The following TEX11 variants were observed in gnomAD, a reference collection of about 807,000 sequenced individuals.
TEX11 encodes testis expressed 11.
Under a neutral mutation model 84.4 loss-of-function variants are expected in TEX11, and 7 were observed. That is an observed-to-expected ratio of 0.08 (90% CI 0.05 to 0.16). The LOEUF (loss-of-function observed/expected upper bound fraction) is 0.16. Among genes scored for constraint, TEX11 ranks in the 10% least tolerant of loss-of-function variants. The pLI, the probability that TEX11 is intolerant of heterozygous loss-of-function variation, is 1.00. For missense variants in TEX11, 551 were observed against 660.5 expected, an observed-to-expected ratio of 0.83 and a Z score of 1.82; for synonymous variants, 264 against 222.8, an observed-to-expected ratio of 1.18 and a Z score of -1.64.
intron 8 of TEX11, among the ~76,000 whole-genome samples, chrX:70,832,870 C>A (rs1189388761): frequency 1.8e-5 from 2 of 110,935 alleles, no homozygotes; most frequent in African/African-American, 6.7e-5. Flanking sequence ...ACCTTGTCAG[C>A]AGACAAACTC....
the TEX11 span, among the ~76,000 whole-genome samples, chrX:70,512,614 AT>A: frequency 6.5e-5 from 7 of 108,238 alleles, 1 homozygote; most frequent in Non-Finnish European, 1.3e-4. Flanking sequence ...TATTGTAATC[AT>A]TCTAATACAA....
intron 9 of TEX11, among the ~76,000 whole-genome samples, chrX:70,795,398 A>G (rs1220735130): frequency 9.0e-6 from 1 of 111,395 alleles, no homozygotes; most frequent in East Asian, 2.8e-4. Flanking sequence ...ACCAGGAGCC[A>G]GGGGGAACTT....
chrX:70,872,993 T>G (rs1191678225), intron 4 of TEX11, among the ~76,000 whole-genome samples: 1 of 111,206 alleles, frequency 9.0e-6, no homozygotes, highest in Admixed American at 9.7e-5. Flanking sequence ...GACTATTTCT[T>G]GCAGTGATAT....
At chrX:70,820,076 C>T (rs749189964) in intron 8 of TEX11, among the ~76,000 whole-genome samples, 1 of 111,973 alleles carries the variant, frequency 8.9e-6, no homozygotes, top group South Asian at 3.7e-4. Flanking sequence ...TCCTAAAATT[C>T]ATATAAAATC....
chrX:70,523,691 C>G, the TEX11 span, among the ~76,000 whole-genome samples: 1 of 109,030 alleles, frequency 9.2e-6, no homozygotes, highest in East Asian at 2.9e-4. Context: ...GTCTTGATCT[C>G]CTGACCTCGT....
chrX:70,852,754 C>T (rs1471491311), intron 7 of TEX11, among the ~76,000 whole-genome samples: 1 of 111,492 alleles, frequency 9.0e-6, no homozygotes, highest in African/African-American at 3.3e-5. Flanking sequence ...ACAGGTGTTT[C>T]AAGTAGGGAT....
rs763274895 is a variant in TEX11, at chrX:70,870,362, G to T, written c.244+2861C>A. On this transcript the variant is annotated intron_variant, in intron 4 of 29. Transcript: ENST00000374333. ...TTTTTTTTTGTTTTTATGAGAGGGAGTCTTGCTCTGTTGCCCAGGCTGGAG... is the reference window on the plus strand; with the variant it reads ...TTTTTTTTTGTTTTTATGAGAGGGATTCTTGCTCTGTTGCCCAGGCTGGAG... 2.7e-5 allele frequency among the ~76,000 whole-genome samples: 3 copies of T among 110,854 alleles called. No individual in the cohort carries two copies. The East Asian group carries it at 8.5e-4, about 32-fold the overall frequency.
At chrX:70,803,007 G>A (rs754992201) in intron 9 of TEX11, among the ~76,000 whole-genome samples, 1 of 111,551 alleles carries the variant, frequency 9.0e-6, no homozygotes, top group Non-Finnish European at 1.9e-5. Flanking sequence ...TGTCTAGATT[G>A]TGAGGGAAAT....
chrX:70,831,417 A>T (rs2091375956), intron 8 of TEX11, among the ~76,000 whole-genome samples: 1 of 111,266 alleles, frequency 9.0e-6, no homozygotes, highest in African/African-American at 3.3e-5. Flanking sequence ...GCCTGAGCCC[A>T]GGAGTTCAAG....
At chrX:70,621,553 T>TATAA (rs2089391684) in intron 20 of TEX11, among the ~76,000 whole-genome samples, 2 of 16,197 alleles carry the variant, frequency 1.2e-4, no homozygotes, top group Non-Finnish European at 2.5e-4. Flanking sequence ...AAAAAAAAAA[T>TATAA]ATATATATAT....
chrX:70,795,048 C>T (rs1741973811), intron 9 of TEX11, among the ~76,000 whole-genome samples: 1 of 108,897 alleles, frequency 9.2e-6, no homozygotes, highest in Non-Finnish European at 1.9e-5. Flanking sequence ...AATTCCAGAC[C>T]TTGACTCTTG....
At chrX:70,514,203 C>G in the TEX11 span, among the ~76,000 whole-genome samples, 1 of 109,438 alleles carries the variant, frequency 9.1e-6, no homozygotes, top group South Asian at 3.8e-4. Flanking sequence ...TTTGAAGAAG[C>G]CTAAGAAGGC....
chrX:70,841,545 A>G (rs2091444076), intron 7 of TEX11, among the ~76,000 whole-genome samples: 2 of 111,085 alleles, frequency 1.8e-5, no homozygotes, highest in Admixed American at 9.7e-5. Flanking sequence ...TCCAAAATTG[A>G]CACCCTAACA....
At chrX:70,525,363 A>G (rs1174676047), downstream of TEX11, among the ~76,000 whole-genome samples, 2 of 111,571 alleles carry the variant, frequency 1.8e-5, no homozygotes, top group African/African-American at 6.5e-5. Context: ...AGGCGGGCAG[A>G]TCATTTGAGC....
chrX:70,602,014 CCATTGT>C, intron 24 of TEX11, among the ~76,000 whole-genome samples: 1 of 111,379 alleles, frequency 9.0e-6, no homozygotes, highest in Admixed American at 9.5e-5. Context: ...CACAAAACCG[CCATTGT>C]CATCATGGCC....
chrX:70,665,499 T>C (rs1372622665), intron 16 of TEX11, among the ~76,000 whole-genome samples: 1 of 112,040 alleles, frequency 8.9e-6, no homozygotes, highest in African/African-American at 3.2e-5. Flanking sequence ...GCAGAGTTGA[T>C]ATCTATGAAA....
At chrX:70,541,877 ACTT>A (rs2088050261) in intron 28 of TEX11, among the ~76,000 whole-genome samples, 2 of 112,424 alleles carry the variant, frequency 1.8e-5, no homozygotes, top group African/African-American at 6.5e-5. Flanking sequence ...TGAACAATCG[ACTT>A]CTTCTTAAAA....
At chrX:70,583,920 A>G (rs1360976537) in intron 25 of TEX11, among the ~76,000 whole-genome samples, 1 of 112,055 alleles carries the variant, frequency 8.9e-6, no homozygotes, top group African/African-American at 3.2e-5. Flanking sequence ...CCTTCCAAAA[A>G]TTGAATCACA....
In TEX11 at chrX:70,740,433, C is replaced by T. The variant is rs2090725748; in HGVS notation, c.843+268G>A. ...ACTTTATCATCTCCCAAAGTCCCCACCTTTTTTATTTTTACGTCCATTCTA... is the reference window on the plus strand; with the variant it reads ...ACTTTATCATCTCCCAAAGTCCCCATCTTTTTTATTTTTACGTCCATTCTA... On this transcript the variant is annotated intron_variant, in intron 11 of 29. Coordinates refer to ENST00000374333, the MANE Select transcript of TEX11 (RefSeq NM_031276.3). Among the ~76,000 whole-genome samples the T allele has an allele frequency of 2.7e-5, 3 of 111,497 alleles. No individual in the cohort carries two copies. In the Admixed American group the frequency reaches 2.9e-4, roughly 11 times the overall value.
Sources: gnomAD v4.1 joint callset for allele counts (sites outside exome capture counted in the v4.1 genomes callset) on GRCh38, gnomAD v4.1.1 for gene constraint, MANE v1.5 for transcripts, NCBI Gene and HGNC (gene_info 2026-07-23, HGNC 2026-07-21) for gene names.